ZNF311: variants seen among roughly 807,000 people sequenced by gnomAD.
The protein encoded by ZNF311 is zinc finger protein 311.
ZNF311 carries 14 observed loss-of-function variants against 22.7 expected under a neutral mutation model. The ratio of observed to expected loss-of-function variants is 0.62; its 90% confidence interval spans 0.41 to 0.96. The LOEUF is 0.96. ZNF311 is among the 40% of genes least tolerant of loss of function. The pLI, the probability that ZNF311 is intolerant of heterozygous loss-of-function variation, is 0.00. For missense variants in ZNF311, 731 were observed against 799.0 expected (o/e 0.91, Z 1.03); for synonymous variants, 250 against 275.3 (o/e 0.91, Z 0.91).
chr6:29,003,638 A>G (rs1354991990), intron 2 of ZNF311, 44 bp from the exon 3 acceptor site: 2 of 1,599,536 alleles, frequency 1.3e-6, no homozygotes, highest in East Asian at 2.2e-5. Flanking sequence ...TATGAAGGTG[A>G]GAAAAATACA....
chr6:29,004,312 A>G (rs9257456), intron 1 of ZNF311, 98 bp from the exon 2 acceptor site: 66,523 of 791,832 alleles, frequency 0.084, 3,217 homozygotes, highest in South Asian at 0.14. Flanking sequence ...AAATGTGAAC[A>G]TATCCAGAAT....
Position 29,004,051 on chromosome 6 carries a change from G to C in ZNF311, c.-97C>G. 1 of 1,612,154 alleles carries C rather than the reference G, an allele frequency of 6.2e-7. No individual in the cohort carries two copies. On this transcript the variant is annotated 5_prime_UTR_variant, in exon 2 of 7. Coordinates refer to ENST00000377179, the MANE Select transcript of ZNF311 (RefSeq NM_001382360.1). ...TCAAACAAGCTGTGAAGTGGCTCCA[G>C]TTGATGCCAGCCTCCTTTGGAGAAC...
In ZNF311 at chr6:29,003,493, CA is replaced by C; in HGVS notation, c.91+19del. ...TTCTCAGCTGCCGTGACTCCTGCCA[CA>C]ATCTCCTGTGTATCTCACCGCTTTC... On this transcript the variant is annotated intron_variant, in intron 3 of 6. Coordinates refer to ENST00000377179, the MANE Select transcript of ZNF311 (RefSeq NM_001382360.1). 6.2e-7 allele frequency: 1 copy of C among 1,612,554 alleles called. No homozygotes were observed. The highest frequency in any genetic ancestry group is 8.5e-7 in the Non-Finnish European group (1 of 1,179,540).
rs745508403 is a variant in ZNF311, at chr6:28,996,182, G to T, written c.820C>A (p.Pro274Thr). Residue 274 changes from proline to threonine, a missense_variant, in exon 7 of 7, where the codon CCC becomes ACC. Transcript: ENST00000377179. ...LHEQIHSGEKPHVCNECGKAF... is the reference protein window; with the variant it reads ...LHEQIHSGEKTHVCNECGKAF... ...TTCCCACACTCATTACACACATGGGGTTTCTCACCAGAATGAATTTGCTCA... is the reference window on the plus strand; with the variant it reads ...TTCCCACACTCATTACACACATGGGTTTTCTCACCAGAATGAATTTGCTCA... 1 of 1,613,538 alleles carries T rather than the reference G, an allele frequency of 6.2e-7. No homozygotes were observed. The highest frequency in any genetic ancestry group is 1.1e-5 in the South Asian group (1 of 91,088).
intron 3 of ZNF311, 134 bp downstream of exon 3, chr6:29,003,379 C>A: frequency 1.4e-6 from 1 of 738,734 alleles, no homozygotes; most frequent in Admixed American, 2.4e-5. Context: ...CGTATAGAAA[C>A]AAAATAAGAC....
At position 29,003,924 on chromosome 6, in the gene ZNF311, T is replaced by C. The variant is rs761922045; in HGVS notation, c.9+22A>G. On this transcript the variant is annotated intron_variant, in intron 2 of 6. Transcript: ENST00000377179. ...TCTCCTTCTTCCTCCTTGTGATGTA[T>C]CACAGACCCTCCTCTTCTTACCTCC... 7 of 1,612,776 alleles carry C rather than the reference T, an allele frequency of 4.3e-6. No homozygotes were observed. In the South Asian group the frequency reaches 4.4e-5, roughly 10 times the overall value.
At chr6:29,003,488 T>C (rs1272751527) in intron 3 of ZNF311, 25 bp downstream of exon 3, 1 of 1,611,672 alleles carries the variant, frequency 6.2e-7, no homozygotes, top group South Asian at 1.1e-5. Flanking sequence ...CCGTGACTCC[T>C]GCCACAATCT....
In ZNF311 at chr6:28,995,217, G is replaced by C; in HGVS notation, c.1785C>G (p.Gly595=). The part of the protein sequence containing the change: ...CSECGTSFRQ[G]SALIGHKRVH... ...CTCGCTTATGTCCAATCAGAGCTGA[G>C]CCCTGACGGAAGGACGTGCCACACT... is the stretch of plus-strand genomic sequence containing the variant. The change falls in exon 7 of 7, where the codon GGC becomes GGG. Residue 595 remains glycine (G), a synonymous_variant. Coordinates refer to ENST00000377179, the MANE Select transcript of ZNF311 (RefSeq NM_001382360.1). The surrounding 1 kb of genome is among the most constrained non-coding windows in gnomAD (Gnocchi z 4.7). 1 of 1,614,040 alleles carries C rather than the reference G, an allele frequency of 6.2e-7. No homozygotes were observed. Among genetic ancestry groups the C allele is most frequent in the Non-Finnish European group, 8.5e-7 (1 of 1,180,028 alleles).
At chr6:28,996,960 G>A (rs892986916) in intron 6 of ZNF311, among the ~76,000 whole-genome samples, 2 of 152,198 alleles carry the variant, frequency 1.3e-5, no homozygotes, top group Admixed American at 1.3e-4. Context: ...CTGAAATGCT[G>A]ATGCAGTCCC....
At chr6:29,004,333 C>A (rs900719841) in intron 1 of ZNF311, 119 bp from the exon 2 acceptor site, 1 of 540,420 alleles carries the variant, frequency 1.9e-6, no homozygotes, top group Non-Finnish European at 2.7e-6. Flanking sequence ...ACAATCTCAA[C>A]GGCTACCACC....
At chr6:28,999,895 A>G in intron 4 of ZNF311, 61 bp downstream of exon 4, 2 of 1,538,268 alleles carry the variant, frequency 1.3e-6, no homozygotes, top group South Asian at 1.2e-5. Flanking sequence ...CAGTGAAAAC[A>G]AGGCCATATT....
intron 3 of ZNF311, among the ~76,000 whole-genome samples, 191 bp downstream of exon 3, chr6:29,003,322 C>T (rs1417899916): frequency 6.6e-6 from 1 of 152,142 alleles, no homozygotes. Context: ...ATTTAAGATA[C>T]TGACAGAAAC....
At chr6:29,001,662 T>C (rs910295780) in intron 3 of ZNF311, among the ~76,000 whole-genome samples, 3 of 152,210 alleles carry the variant, frequency 2.0e-5, no homozygotes, top group African/African-American at 7.2e-5. Flanking sequence ...TATTTTCAAG[T>C]ATATAGAAAA....
Position 28,996,058 on chromosome 6 carries a change from C to T in ZNF311, c.944G>A (p.Arg315Lys), listed in dbSNP as rs750626958. ...CTQCGKAFNS[R>K]SALCRHKKTH... ...TTTTTTATGTCGGCAAAGAGCTGAT[C>T]TACTGTTGAAAGCCTTCCCACACTG... Residue 315 changes from arginine to lysine, a missense_variant, in exon 7 of 7, where the codon AGA becomes AAA. Physicochemically the swap from Arg to Lys is conservative, Grantham distance 26 (BLOSUM62 2). Coordinates refer to ENST00000377179, the MANE Select transcript of ZNF311 (RefSeq NM_001382360.1). The T allele has an allele frequency of 5.0e-6, 8 of 1,613,318 alleles. No homozygotes were observed. In the East Asian group the frequency reaches 1.6e-4, roughly 31 times the overall value.
In ZNF311 at chr6:28,995,635, G is replaced by C; in HGVS notation, c.1367C>G (p.Ala456Gly). The change falls in exon 7 of 7, where the codon GCA becomes GGA. Residue 456 changes from alanine to glycine, a missense_variant. Ala to Gly is a moderately conservative substitution (Grantham distance 60). Transcript: ENST00000377179. This position sits in a 1 kb window ranked among gnomAD's most constrained non-coding sequence, Gnocchi z 4.7. ...GATCCTTCTGTGTTTGGTGAGTTCT[G>C]CCTTGATGCTGAAGTCTTTTCCACA... ...PQCGKDFSIK[A>G]ELTKHRRIHT... The C allele has an allele frequency of 6.2e-7, 1 of 1,613,344 alleles. No homozygotes were observed. Among genetic ancestry groups the C allele is most frequent in the Non-Finnish European group, 8.5e-7 (1 of 1,179,976 alleles).
chr6:28,999,708 A>G (rs1780174624), intron 4 of ZNF311, 95 bp from the exon 5 acceptor site: 1 of 1,488,210 alleles, frequency 6.7e-7, no homozygotes, highest in Non-Finnish European at 8.9e-7. Context: ...GGAGGTTTAT[A>G]GAAGTGAAAG....
chr6:28,999,403 G>T (rs1032950437), intron 5 of ZNF311, 84 bp downstream of exon 5: 3 of 1,285,878 alleles, frequency 2.3e-6, no homozygotes, highest in Non-Finnish European at 3.0e-6. Context: ...CTTTCAATAT[G>T]AGACCTTATA....
At chr6:29,003,922 T>A in intron 2 of ZNF311, 24 bp downstream of exon 2, 2 of 1,612,896 alleles carry the variant, frequency 1.2e-6, no homozygotes, top group Non-Finnish European at 1.7e-6. Flanking sequence ...CCTTGTGATG[T>A]ATCACAGACC....
chr6:29,000,159 T>G, intron 3 of ZNF311, 112 bp from the exon 4 acceptor site: 2 of 959,320 alleles, frequency 2.1e-6, no homozygotes, highest in Non-Finnish European at 3.2e-6. Context: ...AACCTAGGGC[T>G]TTAGGCTACT....
Sources: allele counts gnomAD v4.1 joint callset (sites outside exome capture counted in the v4.1 genomes callset), GRCh38; gene constraint gnomAD v4.1.1; non-coding constraint Gnocchi (gnomAD v3.1); transcripts MANE v1.5; gene names NCBI Gene and HGNC (gene_info 2026-07-23, HGNC 2026-07-21).